CSMD1: variants seen among roughly 807,000 people sequenced by gnomAD.
CSMD1 encodes CUB and sushi domain-containing protein 1.
In CSMD1, 213 loss-of-function variants were observed where a neutral mutation model predicts 417.5. The ratio of observed to expected loss-of-function variants is 0.51; its 90% confidence interval spans 0.46 to 0.57. The LOEUF (loss-of-function observed/expected upper bound fraction) is 0.57. Among genes scored for constraint, CSMD1 ranks in the 20% least tolerant of loss-of-function variants. The pLI is 0.00. For synonymous variants in CSMD1, 2,862 were observed against 1,736.8 expected (o/e 1.65, Z -16.11); for missense variants, 6,923 against 4,529.7 (o/e 1.53, Z -15.17).
intron 8 of CSMD1, among the ~76,000 whole-genome samples, chr8:3,587,095 C>T (rs1484402699): frequency 1.3e-5 from 2 of 152,220 alleles, no homozygotes; most frequent in African/African-American, 4.8e-5. Flanking sequence ...CCACTGCACC[C>T]ACCTGTGTTT....
chr8:3,397,678 T>C (rs1054403146), intron 16 of CSMD1, among the ~76,000 whole-genome samples: 1 of 152,184 alleles, frequency 6.6e-6, no homozygotes, highest in South Asian at 2.1e-4. Context: ...GTGAAAGCAA[T>C]CTCCTTTGAC....
chr8:4,301,237 A>G (rs1450330241), intron 3 of CSMD1, among the ~76,000 whole-genome samples: 2 of 152,176 alleles, frequency 1.3e-5, no homozygotes, highest in Admixed American at 6.5e-5. Flanking sequence ...CAATCTCATA[A>G]TAAGCCAACA....
intron 11 of CSMD1, among the ~76,000 whole-genome samples, chr8:3,480,176 C>T (rs531258872): frequency 5.2e-4 from 79 of 151,856 alleles, no homozygotes; most frequent in Middle Eastern, 3.4e-3. Context: ...CTGGGCAACA[C>T]GGTGAAACCC....
chr8:3,955,987 G>A (rs1389947473), intron 5 of CSMD1, among the ~76,000 whole-genome samples: 1 of 152,112 alleles, frequency 6.6e-6, no homozygotes, highest in Non-Finnish European at 1.5e-5. Context: ...TAGAGTCAGG[G>A]TTTCACCATA....
intron 3 of CSMD1, among the ~76,000 whole-genome samples, chr8:4,211,136 T>C (rs1053246227): frequency 2.0e-5 from 3 of 152,202 alleles, no homozygotes; most frequent in African/African-American, 7.2e-5. Context: ...GAAATGTGTG[T>C]TCTAATCACT....
At chr8:4,590,849 G>C (rs1027689267) in intron 2 of CSMD1, among the ~76,000 whole-genome samples, 2 of 152,236 alleles carry the variant, frequency 1.3e-5, no homozygotes, top group South Asian at 2.1e-4. Flanking sequence ...CATAATTTGA[G>C]CTTCTCATAA....
At chr8:4,287,988 G>C (rs949433745) in intron 3 of CSMD1, among the ~76,000 whole-genome samples, 3 of 152,024 alleles carry the variant, frequency 2.0e-5, no homozygotes, top group African/African-American at 7.2e-5. Context: ...TAAAATTAAG[G>C]TTTGATTTAA....
intron 7 of CSMD1, among the ~76,000 whole-genome samples, chr8:3,653,411 C>G (rs965310141): frequency 6.6e-6 from 1 of 152,066 alleles, no homozygotes; most frequent in Non-Finnish European, 1.5e-5. Context: ...TGGATTCAAA[C>G]GATTGTCCTG....
At chr8:4,868,204 A>G (rs1044758247) in intron 1 of CSMD1, among the ~76,000 whole-genome samples, 7 of 152,124 alleles carry the variant, frequency 4.6e-5, no homozygotes, top group African/African-American at 7.2e-5. Flanking sequence ...AAAATGCCTG[A>G]GCCTACTCTG....
chr8:3,637,680 G>A (rs920134916), intron 7 of CSMD1, among the ~76,000 whole-genome samples: 57 of 152,278 alleles, frequency 3.7e-4, no homozygotes, highest in Admixed American at 1.4e-3. Flanking sequence ...GAAACAGGAT[G>A]ACAACTGAAT....
At chr8:4,011,102 G>C (rs576945242) in intron 4 of CSMD1, among the ~76,000 whole-genome samples, 14 of 152,238 alleles carry the variant, frequency 9.2e-5, no homozygotes, top group African/African-American at 3.1e-4. Context: ...AAAGAAAATA[G>C]AAGCAATGAA....
chr8:4,904,229 A>G (rs928023474), intron 1 of CSMD1, among the ~76,000 whole-genome samples: 3 of 152,194 alleles, frequency 2.0e-5, no homozygotes, highest in Admixed American at 2.0e-4. Context: ...ATTAGGCATC[A>G]TAGAAAGCTC....
At chr8:4,767,965 T>C (rs979940707) in intron 1 of CSMD1, among the ~76,000 whole-genome samples, 1 of 152,016 alleles carries the variant, frequency 6.6e-6, no homozygotes, top group South Asian at 2.1e-4. Context: ...AGGGCGTGGG[T>C]CAATCTAGCA....
At chr8:4,950,017 G>C (rs927179738) in intron 1 of CSMD1, among the ~76,000 whole-genome samples, 11 of 152,058 alleles carry the variant, frequency 7.2e-5, no homozygotes, top group Admixed American at 3.3e-4. Flanking sequence ...TGAGATTAAA[G>C]CAAAACACCT....
intron 25 of CSMD1, among the ~76,000 whole-genome samples, chr8:3,298,437 A>G (rs1029125938): frequency 1.3e-5 from 2 of 151,702 alleles, no homozygotes; most frequent in Admixed American, 1.3e-4. Flanking sequence ...GAGACACATA[A>G]TTAATAAAAC....
chr8:4,608,841 T>C (rs117880339), intron 2 of CSMD1, among the ~76,000 whole-genome samples: 1,719 of 152,260 alleles, frequency 0.011, 15 homozygotes, highest in Non-Finnish European at 0.015. Flanking sequence ...GAAGAAGAGA[T>C]TGCTTTCTAT....
intron 1 of CSMD1, among the ~76,000 whole-genome samples, chr8:4,903,830 A>G (rs972969114): frequency 6.6e-6 from 1 of 152,168 alleles, no homozygotes; most frequent in African/African-American, 2.4e-5. Context: ...TCAAATGGCC[A>G]AGAAGTACTT....
intron 41 of CSMD1, among the ~76,000 whole-genome samples, chr8:3,137,374 A>T (rs949637023): frequency 6.6e-6 from 1 of 152,248 alleles, no homozygotes; most frequent in Non-Finnish European, 1.5e-5. Context: ...CACGGCAGAA[A>T]GTCCCTTAGC....
intron 3 of CSMD1, among the ~76,000 whole-genome samples, chr8:4,180,253 AATG>A (rs1319399966): frequency 6.6e-6 from 1 of 152,066 alleles, no homozygotes; most frequent in Non-Finnish European, 1.5e-5. Flanking sequence ...AGCAATAAAA[AATG>A]ATGAGTTCAT....
Sources: gnomAD v4.1 joint callset for allele counts (sites outside exome capture counted in the v4.1 genomes callset) on GRCh38, gnomAD v4.1.1 for gene constraint, MANE v1.5 for transcripts, NCBI Gene and HGNC (gene_info 2026-07-23, HGNC 2026-07-21) for gene names.